POU2AF2: variants seen among roughly 807,000 people sequenced by gnomAD.
The protein encoded by POU2AF2 is POU class 2 homeobox associating factor 2.
At chr11:111,281,556 A>C in the POU2AF2 span, 9 of 1,121,846 alleles carry the variant, frequency 8.0e-6, no homozygotes, top group Non-Finnish European at 1.0e-5. Flanking sequence ...CCTTTAAAAT[A>C]GTTTTGTCTA....
chr11:111,272,565 CA>C, the POU2AF2 span, among the ~76,000 whole-genome samples: 1 of 152,158 alleles, frequency 6.6e-6, no homozygotes, highest in Non-Finnish European at 1.5e-5. Context: ...TGTAAAGTGC[CA>C]GACACAGAGT....
At chr11:111,247,217 G>GAGAGAGAGAT in the POU2AF2 span, among the ~76,000 whole-genome samples, 1 of 151,310 alleles carries the variant, frequency 6.6e-6, no homozygotes, top group Non-Finnish European at 1.5e-5. Flanking sequence ...GAGAGAGAGA[G>GAGAGAGAGAT]AGACCGTATT....
At chr11:111,284,076 G>T in the POU2AF2 span, 8 of 1,608,058 alleles carry the variant, frequency 5.0e-6, no homozygotes, top group African/African-American at 1.1e-4. Flanking sequence ...TTGGCAACAG[G>T]TTCGCCGGTC....
chr11:111,283,935 G>C, the POU2AF2 span: 1 of 782,236 alleles, frequency 1.3e-6, no homozygotes, highest in Non-Finnish European at 2.1e-6. Flanking sequence ...CGCTTTTCAA[G>C]ACATTTCTCT....
chr11:111,261,702 AATTT>A, the POU2AF2 span, among the ~76,000 whole-genome samples: 2 of 152,124 alleles, frequency 1.3e-5, no homozygotes, highest in Non-Finnish European at 2.9e-5. Flanking sequence ...TTTGATGTTC[AATTT>A]ATTTGTTGAT....
At chr11:111,283,058 CTTTTT>C in the POU2AF2 span, among the ~76,000 whole-genome samples, 69 of 118,420 alleles carry the variant, frequency 5.8e-4, no homozygotes, top group Middle Eastern at 4.7e-3. Flanking sequence ...AAACTTTTTA[CTTTTT>C]TTTTTTTTTT....
At chr11:111,285,598 T>C in the POU2AF2 span, 1 of 1,561,276 alleles carries the variant, frequency 6.4e-7, no homozygotes, top group Admixed American at 2.1e-5. Context: ...GCACACAATG[T>C]ATCATCAGAG....
At chr11:111,285,776 G>A in the POU2AF2 span, 272 of 1,612,024 alleles carry the variant, frequency 1.7e-4, no homozygotes, top group African/African-American at 2.9e-3. Context: ...CGGGAGCATC[G>A]CCCAGCACAG....
At chr11:111,265,938 A>T in the POU2AF2 span, among the ~76,000 whole-genome samples, 4 of 152,012 alleles carry the variant, frequency 2.6e-5, no homozygotes, top group Admixed American at 1.3e-4. Flanking sequence ...ACTGTCCTCC[A>T]TTCTTCCAGT....
chr11:111,268,319 T>C, the POU2AF2 span, among the ~76,000 whole-genome samples: 4 of 152,208 alleles, frequency 2.6e-5, no homozygotes, highest in East Asian at 7.7e-4. Context: ...TTTCTTAAAA[T>C]TTACCATAAA....
chr11:111,245,801 C>T, the POU2AF2 span: 28 of 398,746 alleles, frequency 7.0e-5, no homozygotes, highest in Middle Eastern at 1.2e-3. Flanking sequence ...GAACACCATT[C>T]ACAAGAAATT....
chr11:111,253,726 G>C, the POU2AF2 span, among the ~76,000 whole-genome samples: 2 of 152,180 alleles, frequency 1.3e-5, no homozygotes, highest in African/African-American at 2.4e-5. Flanking sequence ...CCCCAATGGC[G>C]TATGGCCTAG....
the POU2AF2 span, among the ~76,000 whole-genome samples, chr11:111,282,944 A>C: frequency 6.6e-6 from 1 of 152,186 alleles, no homozygotes; most frequent in African/African-American, 2.4e-5. Flanking sequence ...GGGGTCAGAA[A>C]GTGTTGAGCA....
At chr11:111,268,968 C>T in the POU2AF2 span, among the ~76,000 whole-genome samples, 1 of 152,044 alleles carries the variant, frequency 6.6e-6, no homozygotes, top group Non-Finnish European at 1.5e-5. Context: ...TCTTAAGAAA[C>T]CTGCAATTTT....
the POU2AF2 span, among the ~76,000 whole-genome samples, chr11:111,266,323 T>A: frequency 1.3e-5 from 2 of 152,090 alleles, no homozygotes; most frequent in African/African-American, 4.8e-5. Context: ...CCTGACTCAG[T>A]AGATTTTCCC....
At chr11:111,247,179 CAT>C in the POU2AF2 span, among the ~76,000 whole-genome samples, 123,441 of 149,028 alleles carry the variant, frequency 0.83, 51,201 homozygotes, top group South Asian at 0.87. Context: ...TATTCATACA[CAT>C]ACACACACAC....
At chr11:111,270,326 TA>T in the POU2AF2 span, among the ~76,000 whole-genome samples, 1 of 152,226 alleles carries the variant, frequency 6.6e-6, no homozygotes, top group Admixed American at 6.5e-5. Flanking sequence ...AGAGAGAATT[TA>T]AACATGGCTT....
the POU2AF2 span, among the ~76,000 whole-genome samples, chr11:111,253,271 T>A: frequency 6.6e-6 from 1 of 152,224 alleles, no homozygotes; most frequent in Non-Finnish European, 1.5e-5. Context: ...ATTCCAAAGA[T>A]ACTGATCCTC....
At chr11:111,252,674 A>T in the POU2AF2 span, among the ~76,000 whole-genome samples, 5,168 of 151,602 alleles carry the variant, frequency 0.034, 118 homozygotes, top group African/African-American at 0.068. Context: ...CCTTTTCAAG[A>T]CCTCTTTCCA....
Sources: gnomAD v4.1 joint callset for allele counts (sites outside exome capture counted in the v4.1 genomes callset) on GRCh38, gnomAD v4.1.1 for gene constraint, MANE v1.5 for transcripts, NCBI Gene and HGNC (gene_info 2026-07-23, HGNC 2026-07-21) for gene names.